The following EIF4G3 variants were observed in gnomAD, a reference collection of about 807,000 sequenced individuals.
The protein encoded by EIF4G3 is eIF-4-gamma 3.
EIF4G3 carries 34 observed loss-of-function variants against 186.4 expected under a neutral mutation model. The ratio of observed to expected loss-of-function variants is 0.18; its 90% CI spans 0.14 to 0.24. The LOEUF (loss-of-function observed/expected upper bound fraction) is 0.24, where lower values mean the gene tolerates loss of function less well. EIF4G3 is among the 10% of genes least tolerant of loss of function. EIF4G3 has a pLI of 1.00. For synonymous variants in EIF4G3, 673 were observed against 679.5 expected (o/e 0.99, Z 0.15); for missense variants, 1,536 against 1,948.5 (o/e 0.79, Z 3.99).
At chr1:21,129,843 G>A (rs938462432) in intron 2 of EIF4G3, among the ~76,000 whole-genome samples, 9 of 151,942 alleles carry the variant, frequency 5.9e-5, no homozygotes, top group East Asian at 1.9e-4. Flanking sequence ...ATTCCAACCC[G>A]AGAACTACCA....
At chr1:21,071,787 C>T (rs2095448301) in intron 3 of EIF4G3, among the ~76,000 whole-genome samples, 1 of 142,254 alleles carries the variant, frequency 7.0e-6, no homozygotes, top group Non-Finnish European at 1.5e-5. Context: ...GCCTAGGTGA[C>T]AGAGCGAGGC....
intron 2 of EIF4G3, among the ~76,000 whole-genome samples, chr1:21,115,990 CTACGATT>C (rs1209011801): frequency 6.6e-6 from 1 of 152,092 alleles, no homozygotes; most frequent in Non-Finnish European, 1.5e-5. Flanking sequence ...TCCCAAAGTG[CTACGATT>C]ACAGGTGTGA....
chr1:20,891,311 A>T (rs1318077995), intron 18 of EIF4G3, among the ~76,000 whole-genome samples: 1 of 152,240 alleles, frequency 6.6e-6, no homozygotes, highest in Non-Finnish European at 1.5e-5. Flanking sequence ...TATCAACAAC[A>T]TTGGGCAATA....
chr1:20,847,830 C>A (rs1001753639), intron 29 of EIF4G3: 12 of 471,660 alleles, frequency 2.5e-5, no homozygotes, highest in Non-Finnish European at 4.4e-5. Flanking sequence ...TCATCAAAAA[C>A]TTCCTTCTAC....
intron 4 of EIF4G3, among the ~76,000 whole-genome samples, chr1:21,014,783 A>G (rs2088385272): frequency 6.6e-6 from 1 of 151,856 alleles, no homozygotes; most frequent in East Asian, 1.9e-4. Flanking sequence ...AGAGGCATGC[A>G]CTACCACACC....
chr1:21,051,100 ACACTAAAATAAG>A, intron 3 of EIF4G3, 106 bp from the exon 4 acceptor site: 2 of 663,914 alleles, frequency 3.0e-6, no homozygotes, highest in Non-Finnish European at 5.5e-6. Flanking sequence ...CTCACAACTT[ACACTAAAATAAG>A]CACGAGACTG....
intron 4 of EIF4G3, among the ~76,000 whole-genome samples, chr1:21,028,283 T>C (rs2092383331): frequency 6.6e-6 from 1 of 152,260 alleles, no homozygotes; most frequent in Non-Finnish European, 1.5e-5. Context: ...ATTTTAAACT[T>C]TGTGCTATTT....
chr1:21,052,596 C>T (rs924708057), intron 3 of EIF4G3, among the ~76,000 whole-genome samples: 7 of 152,138 alleles, frequency 4.6e-5, no homozygotes, highest in African/African-American at 1.7e-4. Flanking sequence ...CGGTCTCCCT[C>T]TCCCTCTCTT....
At chr1:20,993,070 T>C (rs779627309) in intron 7 of EIF4G3, among the ~76,000 whole-genome samples, 4 of 152,180 alleles carry the variant, frequency 2.6e-5, no homozygotes, top group Admixed American at 6.5e-5. Context: ...AAAACTGTAA[T>C]TCTAAAAGCT....
chr1:20,865,327 T>G, intron 20 of EIF4G3, 65 bp from the exon 21 acceptor site: 1 of 1,564,618 alleles, frequency 6.4e-7, no homozygotes, highest in Admixed American at 1.8e-5. Flanking sequence ...AAATATCTGT[T>G]TGCTTTATTG....
At position 21,114,179 on chromosome 1, in the gene EIF4G3, G is replaced by A. The variant is rs184944489; in HGVS notation, c.-271-24966C>T. Among the ~76,000 whole-genome samples the A allele has an allele frequency of 6.7e-4, 100 of 148,572 alleles. 1 individual carries two copies. The South Asian group carries it at 0.017, about 25-fold the overall frequency. On this transcript the variant is annotated intron_variant, in intron 2 of 36. Coordinates refer to ENST00000602326, the MANE Select transcript of EIF4G3 (RefSeq NM_001391906.1). ...TTTTTTTTTCCTTGAGACGAGTCTC[G>A]CTCTGTTGCCAGGCTGGAGTGCAGT...
At chr1:21,040,305 T>G (rs1334783803) in intron 4 of EIF4G3, among the ~76,000 whole-genome samples, 2 of 152,112 alleles carry the variant, frequency 1.3e-5, no homozygotes, top group African/African-American at 4.8e-5. Flanking sequence ...ACCAAACACA[T>G]GGAAGTTGCT....
At chr1:20,821,635 TTC>T (rs2062381726) in intron 33 of EIF4G3, among the ~76,000 whole-genome samples, 1 of 151,968 alleles carries the variant, frequency 6.6e-6, no homozygotes, top group Admixed American at 6.6e-5. Flanking sequence ...TTATGTATAC[TTC>T]TGTTATGTAT....
chr1:20,867,666 T>C (rs2077893092), intron 20 of EIF4G3, among the ~76,000 whole-genome samples: 1 of 152,208 alleles, frequency 6.6e-6, no homozygotes, highest in South Asian at 2.1e-4. Context: ...TTGACAGGCC[T>C]ATGATTAAAC....
intron 29 of EIF4G3, among the ~76,000 whole-genome samples, chr1:20,843,863 G>C (rs1250076330): frequency 1.3e-5 from 2 of 152,098 alleles, no homozygotes; most frequent in Non-Finnish European, 2.9e-5. Context: ...GTGTCCATGT[G>C]TTCTCATCAT....
intron 3 of EIF4G3, among the ~76,000 whole-genome samples, chr1:21,054,330 T>TAC: frequency 1.1e-5 from 1 of 90,510 alleles, no homozygotes; most frequent in Non-Finnish European, 2.6e-5. Context: ...ACACAAACAC[T>TAC]GCGGAAGGCC....
At chr1:20,942,412 T>C (rs1427911671) in intron 13 of EIF4G3, 82 bp from the exon 14 acceptor site, 6 of 1,349,428 alleles carry the variant, frequency 4.4e-6, no homozygotes, top group Non-Finnish European at 6.0e-6. Context: ...TTCAATGTCT[T>C]ACCCTAAATT....
intron 15 of EIF4G3, among the ~76,000 whole-genome samples, chr1:20,902,703 C>G (rs1450409227): frequency 1.3e-5 from 2 of 152,172 alleles, no homozygotes; most frequent in Non-Finnish European, 2.9e-5. Flanking sequence ...TGCACTGGCA[C>G]AATCTTGGCT....
intron 20 of EIF4G3, among the ~76,000 whole-genome samples, chr1:20,868,691 A>G (rs183131210): frequency 6.6e-6 from 1 of 152,340 alleles, no homozygotes; most frequent in Admixed American, 6.5e-5. Context: ...TTAACAGTCC[A>G]TGATCAGCAC....
Sources: allele counts gnomAD v4.1 joint callset (sites outside exome capture counted in the v4.1 genomes callset), GRCh38; gene constraint gnomAD v4.1.1; transcripts MANE v1.5; gene names NCBI Gene and HGNC (gene_info 2026-07-23, HGNC 2026-07-21).